The following AFAP1 variants were observed in gnomAD, a reference collection of about 807,000 sequenced individuals.
AFAP1 encodes the protein actin filament-associated protein 1.
Under a neutral mutation model 93.9 loss-of-function variants are expected in AFAP1, and 75 were observed. The observed-to-expected ratio is 0.80, with a 90% CI of 0.66 to 0.97. The LOEUF (loss-of-function observed/expected upper bound fraction) is 0.97, where lower values mean the gene tolerates loss of function less well. AFAP1 is among the 50% of genes least tolerant of loss of function. The pLI is 0.00. For missense variants in AFAP1, 1,201 were observed against 1,050.8 expected (o/e 1.14, Z -1.98); for synonymous variants, 517 against 430.7 (o/e 1.20, Z -2.48).
intron 13 of AFAP1, among the ~76,000 whole-genome samples, chr4:7,779,435 A>G (rs1372808988): frequency 6.6e-6 from 1 of 152,248 alleles, no homozygotes; most frequent in African/African-American, 2.4e-5. Flanking sequence ...AACTTCCACT[A>G]ACTACAGGTT....
intron 1 of AFAP1, among the ~76,000 whole-genome samples, chr4:7,929,102 AT>A (rs1222054612): frequency 6.6e-6 from 1 of 152,236 alleles, no homozygotes; most frequent in Non-Finnish European, 1.5e-5. Flanking sequence ...GTTCTGCTAC[AT>A]TTCTCATGCA....
At chr4:7,809,810 T>G in intron 8 of AFAP1, 47 bp from the exon 9 acceptor site, 1 of 1,568,990 alleles carries the variant, frequency 6.4e-7, no homozygotes, top group Non-Finnish European at 8.6e-7. Context: ...ATTGTAGATA[T>G]TAATTGAAAA....
At chr4:7,892,722 C>A (rs543129920) in intron 1 of AFAP1, among the ~76,000 whole-genome samples, 1 of 152,218 alleles carries the variant, frequency 6.6e-6, no homozygotes, top group East Asian at 1.9e-4. Context: ...CCTTTCCCAC[C>A]GAACAAACCA....
At chr4:7,801,942 A>AAAAAAAAAAAAC (rs1719084074) in intron 9 of AFAP1, among the ~76,000 whole-genome samples, 1 of 140,244 alleles carries the variant, frequency 7.1e-6, no homozygotes, top group Non-Finnish European at 1.6e-5. Context: ...AAAAAAAAAA[A>AAAAAAAAAAAAC]CTAATCAATT....
chr4:7,816,449 T>A (rs1720490905), intron 7 of AFAP1, among the ~76,000 whole-genome samples: 1 of 152,246 alleles, frequency 6.6e-6, no homozygotes, highest in South Asian at 2.1e-4. Flanking sequence ...AGCCATATTA[T>A]CCTCGCAGAA....
At chr4:7,802,639 C>G (rs1007841488) in intron 9 of AFAP1, among the ~76,000 whole-genome samples, 2 of 127,908 alleles carry the variant, frequency 1.6e-5, no homozygotes, top group Admixed American at 8.1e-5. Context: ...TACATTTATT[C>G]TTTTTTTTTT....
intron 1 of AFAP1, among the ~76,000 whole-genome samples, chr4:7,914,939 C>A (rs1040323680): frequency 5.9e-5 from 9 of 151,928 alleles, no homozygotes; most frequent in African/African-American, 2.2e-4. Context: ...AGTAGAGATG[C>A]GGTTTTACCA....
At chr4:7,791,898 C>T (rs954833980) in intron 11 of AFAP1, among the ~76,000 whole-genome samples, 2 of 150,610 alleles carry the variant, frequency 1.3e-5, no homozygotes, top group African/African-American at 2.5e-5. Flanking sequence ...CAAACCAAAA[C>T]GTGGCAGAGT....
At position 7,892,840 on chromosome 4, in the gene AFAP1, T is replaced by C. The variant is rs1718548236; in HGVS notation, c.-2-20760A>G. Among the ~76,000 whole-genome samples, 4 of 151,634 alleles carry C rather than the reference T, an allele frequency of 2.6e-5. No homozygotes were observed. The South Asian group carries it at 8.4e-4, about 32-fold the overall frequency. On this transcript the variant is annotated intron_variant, in intron 1 of 17. Coordinates refer to ENST00000420658, the MANE Select transcript of AFAP1 (RefSeq NM_001134647.2). ...CCCATGAGTCAAACGTGGGATGTGG[T>C]GGGGGAGCAGCGGGGTGGGGGATCC...
At chr4:7,781,343 G>A (rs1358356608) in intron 13 of AFAP1, 33 bp downstream of exon 13, 1 of 1,545,742 alleles carries the variant, frequency 6.5e-7, no homozygotes, top group South Asian at 1.2e-5. Context: ...ACTTGAAGGT[G>A]GTTCTAGAAT....
At chr4:7,895,361 C>A (rs1032767386) in intron 1 of AFAP1, among the ~76,000 whole-genome samples, 1 of 152,086 alleles carries the variant, frequency 6.6e-6, no homozygotes, top group African/African-American at 2.4e-5. Flanking sequence ...TAAATTACTA[C>A]GGTCATTATC....
chr4:7,888,260 C>A (rs564323639), intron 1 of AFAP1, among the ~76,000 whole-genome samples: 2 of 152,188 alleles, frequency 1.3e-5, no homozygotes, highest in African/African-American at 4.8e-5. Flanking sequence ...TTCACCTAAA[C>A]GCACCAAAAC....
At chr4:7,921,693 C>T (rs1025677063) in intron 1 of AFAP1, among the ~76,000 whole-genome samples, 7 of 152,238 alleles carry the variant, frequency 4.6e-5, no homozygotes, top group African/African-American at 9.6e-5. Flanking sequence ...ATCCTATGCA[C>T]ATATTCACGC....
chr4:7,800,492 G>T lies in AFAP1; in HGVS notation c.1216C>A (p.Pro406Thr). The change falls in exon 10 of 18, where the codon CCT (proline) becomes ACT (threonine). Residue 406 changes from proline (P) to threonine (T), a missense_variant. Transcript: ENST00000420658. ...EVIPGLDSKH[P>T]LTFRLLRNGQ... is the part of the protein sequence containing the mutation. ...TTGCGCAGCAGCCGGAACGTCAGAGGATGTTTAGAATCCAAACCCGGGATC... is the reference window on the plus strand; with the variant it reads ...TTGCGCAGCAGCCGGAACGTCAGAGTATGTTTAGAATCCAAACCCGGGATC... 2 of 1,614,226 alleles carry T rather than the reference G, an allele frequency of 1.2e-6. No homozygotes were observed. The highest frequency in any genetic ancestry group is 1.7e-6 in the Non-Finnish European group (2 of 1,180,042).
chr4:7,855,476 G>A lies in AFAP1; in HGVS notation c.324C>T (p.Tyr108=), dbSNP rs763031524. The change falls in exon 4 of 18, where the codon TAC becomes TAT. Residue 108 remains tyrosine (Y), a synonymous_variant. Coordinates refer to ENST00000420658, the MANE Select transcript of AFAP1 (RefSeq NM_001134647.2). Reference sequence around the variant, plus strand: ...GGGCTGGCCACTCACTTGATGTGATGTATTCCGGAGCTTTTCCGGGGCTCA... The same window carrying A: ...GGGCTGGCCACTCACTTGATGTGATATATTCCGGAGCTTTTCCGGGGCTCA... ...VPLSPGKAPE[Y]ITSNYDSDAM... The A allele has an allele frequency of 8.7e-6, 14 of 1,607,624 alleles. No homozygotes were observed. The African/African-American group carries it at 9.4e-5, about 11-fold the overall frequency.
intron 16 of AFAP1, among the ~76,000 whole-genome samples, chr4:7,769,632 CA>C (rs1450473011): frequency 6.8e-6 from 1 of 147,008 alleles, no homozygotes; most frequent in East Asian, 1.9e-4. Flanking sequence ...TATGGGATCC[CA>C]AACTGCTCTC....
At chr4:7,861,392 G>GC (rs1197131804) in intron 3 of AFAP1, among the ~76,000 whole-genome samples, 2 of 152,188 alleles carry the variant, frequency 1.3e-5, no homozygotes. Context: ...AGTTTAAGCT[G>GC]CGAAAATGGT....
intron 9 of AFAP1, among the ~76,000 whole-genome samples, chr4:7,801,286 C>T (rs1258461429): frequency 1.3e-5 from 2 of 152,132 alleles, no homozygotes; most frequent in African/African-American, 2.4e-5. Context: ...TGCAAAGCGA[C>T]GGGTGAAGCT....
chr4:7,871,874 GAA>G, intron 2 of AFAP1, 76 bp downstream of exon 2: 1 of 1,509,890 alleles, frequency 6.6e-7, no homozygotes, highest in Non-Finnish European at 9.0e-7. Flanking sequence ...ATATATTTTA[GAA>G]AGGTGGTAAA....
Sources: allele counts gnomAD v4.1 joint callset (sites outside exome capture counted in the v4.1 genomes callset), GRCh38; gene constraint gnomAD v4.1.1; transcripts MANE v1.5; gene names NCBI Gene and HGNC (gene_info 2026-07-23, HGNC 2026-07-21).